The following RASGRP3 variants were observed in gnomAD, a reference collection of about 807,000 sequenced individuals.
RASGRP3 encodes the protein RAS guanyl releasing protein 3.
In RASGRP3, 54 loss-of-function variants were observed where a neutral mutation model predicts 82.7. The ratio of observed to expected loss-of-function variants is 0.65; its 90% CI spans 0.52 to 0.82. RASGRP3 has a LOEUF of 0.82. RASGRP3 is among the 40% of genes least tolerant of loss of function. RASGRP3 has a pLI of 0.00. For synonymous variants in RASGRP3, 309 were observed against 300.5 expected, an observed-to-expected ratio of 1.03 and a Z score of -0.29; for missense variants, 861 against 828.9, an observed-to-expected ratio of 1.04 and a Z score of -0.48.
chr2:33,532,546 G>T (rs1449687246), intron 10 of RASGRP3: 1 of 152,178 alleles, frequency 6.6e-6, no homozygotes, highest in Non-Finnish European at 1.5e-5. Context: ...TAATGGTATG[G>T]CTCCCAAAGG....
intron 11 of RASGRP3, among the ~76,000 whole-genome samples, chr2:33,537,288 A>T (rs1673709306): frequency 7.0e-6 from 1 of 142,252 alleles, no homozygotes; most frequent in Non-Finnish European, 1.5e-5. Flanking sequence ...CAACATAGTG[A>T]GACCCTGTCT....
rs1292950605 is a variant in RASGRP3, at chr2:33,559,014, C to T, written c.2048C>T (p.Thr683Ile). 1.9e-6 allele frequency: 3 copies of T among 1,608,850 alleles called. No individual in the cohort carries two copies. The East Asian group carries it at 6.7e-5, about 36-fold the overall frequency. The change falls in exon 17 of 18, where the codon ACC becomes ATC. Residue 683 changes from threonine (T) to isoleucine (I), a missense_variant. Transcript: ENST00000403687. The part of the protein sequence containing the change: ...FELDQDEGEE[T>I]RQDGEDG ...CTTGACCAGGATGAAGGAGAAGAGA[C>T]CAGACAGGATGGTGAGGTAAGTGCT...
intron 16 of RASGRP3, 47 bp from the exon 17 acceptor site, chr2:33,558,625 G>C (rs759551903): frequency 3.4e-6 from 5 of 1,483,618 alleles, no homozygotes; most frequent in Non-Finnish European, 4.6e-6. Flanking sequence ...ATGCTTTGCT[G>C]TCAAGCAGTC....
At chr2:33,459,091 T>C (rs1192227577) in intron 2 of RASGRP3, among the ~76,000 whole-genome samples, 1 of 152,150 alleles carries the variant, frequency 6.6e-6, no homozygotes, top group Non-Finnish European at 1.5e-5. Flanking sequence ...TTTTAATGCC[T>C]CTCATATTAC....
chr2:33,468,968 T>A (rs1574266817), intron 2 of RASGRP3, among the ~76,000 whole-genome samples: 1 of 152,350 alleles, frequency 6.6e-6, no homozygotes, highest in Non-Finnish European at 1.5e-5. Context: ...CGATTTATAT[T>A]CTTTCTGGTA....
chr2:33,502,026 T>G (rs973155173), intron 1 of RASGRP3, among the ~76,000 whole-genome samples: 1 of 152,152 alleles, frequency 6.6e-6, no homozygotes, highest in African/African-American at 2.4e-5. Flanking sequence ...GAGCTTGATT[T>G]GGGTGGTCTG....
chr2:33,528,899 CA>C, intron 10 of RASGRP3, among the ~76,000 whole-genome samples: 1 of 152,148 alleles, frequency 6.6e-6, no homozygotes, highest in African/African-American at 2.4e-5. Context: ...AATGATTTGC[CA>C]TGTAAATCTG....
At chr2:33,508,619 A>G (rs1161163544) in intron 1 of RASGRP3, among the ~76,000 whole-genome samples, 5 of 152,214 alleles carry the variant, frequency 3.3e-5, no homozygotes, top group African/African-American at 4.8e-5. Context: ...AGACACGGTC[A>G]TCTGCCAGAA....
At chr2:33,446,207 G>C (rs986689156) in intron 1 of RASGRP3, among the ~76,000 whole-genome samples, 3 of 152,182 alleles carry the variant, frequency 2.0e-5, no homozygotes, top group African/African-American at 4.8e-5. Flanking sequence ...GCCCAGGCTG[G>C]AGTGCAGTGG....
chr2:33,464,006 C>T (rs1666529483), intron 2 of RASGRP3, among the ~76,000 whole-genome samples: 2 of 151,596 alleles, frequency 1.3e-5, no homozygotes, highest in Non-Finnish European at 2.9e-5. Flanking sequence ...TTTAAGGCAA[C>T]CCTGCATCAA....
intron 1 of RASGRP3, among the ~76,000 whole-genome samples, chr2:33,486,262 C>G (rs1166761426): frequency 2.6e-5 from 4 of 151,146 alleles, no homozygotes; most frequent in Non-Finnish European, 5.9e-5. Flanking sequence ...TCTCCTAGTT[C>G]AAGCGATTCT....
intron 2 of RASGRP3, among the ~76,000 whole-genome samples, chr2:33,463,549 C>G (rs1666497678): frequency 6.6e-6 from 1 of 151,166 alleles, no homozygotes; most frequent in Non-Finnish European, 1.5e-5. Flanking sequence ...GTGTAGAGGC[C>G]TCCAGCAGCC....
chr2:33,545,100 C>G (rs2151081465), intron 13 of RASGRP3, among the ~76,000 whole-genome samples: 1 of 152,178 alleles, frequency 6.6e-6, no homozygotes, highest in Non-Finnish European at 1.5e-5. Flanking sequence ...ACTTCCTAGT[C>G]TTCATTTCTT....
intron 8 of RASGRP3, 125 bp downstream of exon 8, chr2:33,524,177 A>G (rs1574418351): frequency 8.6e-7 from 1 of 1,158,906 alleles, no homozygotes; most frequent in Non-Finnish European, 1.2e-6. Flanking sequence ...ACTCGCTGAT[A>G]TCTAATGAAC....
At position 33,442,375 on chromosome 2, in the gene RASGRP3, T is replaced by C. The variant is rs771193030; in HGVS notation, c.-384-5445T>C. Among the ~76,000 whole-genome samples, 23 of 152,144 alleles carry C rather than the reference T, an allele frequency of 1.5e-4. 2 individuals carry two copies. Among genetic ancestry groups the C allele is most frequent in the Admixed American group, 5.2e-4 (8 of 15,260 alleles). ...CGAGACTACGTCTCGAAAAAAAATT[T>C]CTGGTTGGTGGGATAATGGTGATTT... is the stretch of plus-strand genomic sequence containing the variant. On this transcript the variant is annotated intron_variant, in intron 1 of 18. Transcript: ENST00000402538.
chr2:33,455,337 T>C (rs1443146915), intron 2 of RASGRP3, among the ~76,000 whole-genome samples: 2 of 152,248 alleles, frequency 1.3e-5, no homozygotes. Context: ...TGGACTCAGT[T>C]ACTGTCCCTT....
Position 33,511,773 on chromosome 2 carries a change from A to T in RASGRP3, c.-197A>T, listed in dbSNP as rs2151001990. ...GTTCTACAGACTGCTTCTTCCATGC[A>T]TTTCCCAATGATGCTAGCTGCCCTT... On this transcript the variant is annotated 5_prime_UTR_variant, in exon 2 of 18. Transcript: ENST00000403687. 1 of 152,758 alleles carries T rather than the reference A, an allele frequency of 6.5e-6. No individual in the cohort carries two copies. The highest frequency in any genetic ancestry group is 6.5e-5 in the Admixed American group (1 of 15,308). The allele number at this position is 152,758 out of a possible 1,614,324, so 9.5% of individuals were successfully genotyped here. A position where few individuals can be genotyped will look rare whatever the true frequency, so the allele number is the denominator to read the frequency against.
At chr2:33,509,010 G>A (rs1028388807) in intron 1 of RASGRP3, among the ~76,000 whole-genome samples, 13 of 152,144 alleles carry the variant, frequency 8.5e-5, no homozygotes, top group African/African-American at 2.9e-4. Flanking sequence ...CATTTGTTAG[G>A]TGGTGTCCTC....
At chr2:33,544,325 A>AG (rs1236379370) in intron 13 of RASGRP3, among the ~76,000 whole-genome samples, 35 of 152,164 alleles carry the variant, frequency 2.3e-4, no homozygotes, top group African/African-American at 8.2e-4. Context: ...AAAAAAAAAA[A>AG]CTCACTTATA....
Sources: allele counts gnomAD v4.1 joint callset (sites outside exome capture counted in the v4.1 genomes callset), GRCh38; gene constraint gnomAD v4.1.1; transcripts MANE v1.5; gene names NCBI Gene and HGNC (gene_info 2026-07-23, HGNC 2026-07-21).